The following KCNS3 variants were observed in gnomAD, a reference collection of about 807,000 sequenced individuals.
KCNS3 encodes the protein potassium voltage-gated channel modifier subfamily S member 3.
KCNS3 carries 13 observed loss-of-function variants against 31.0 expected under a neutral mutation model. That is an observed-to-expected ratio of 0.42 (90% CI 0.27 to 0.67). KCNS3 has a LOEUF of 0.67. Among genes scored for constraint, KCNS3 ranks in the 30% least tolerant of loss-of-function variants. The pLI is 0.25. For synonymous variants in KCNS3, 238 were observed against 241.5 expected, an observed-to-expected ratio of 0.99 and a Z score of 0.13; for missense variants, 545 against 622.4, an observed-to-expected ratio of 0.88 and a Z score of 1.32.
chr2:17,914,664 G>A (rs751762731), intron 1 of KCNS3, among the ~76,000 whole-genome samples: 2 of 152,190 alleles, frequency 1.3e-5, no homozygotes, highest in Admixed American at 6.5e-5. Flanking sequence ...CTGTGACAGC[G>A]ATAATTAATA....
intron 1 of KCNS3, among the ~76,000 whole-genome samples, chr2:17,900,735 C>G (rs12478311): frequency 5.6e-4 from 85 of 152,152 alleles, no homozygotes; most frequent in African/African-American, 2.0e-3. Flanking sequence ...GGTGATCTGC[C>G]TGTCTCGGCC....
At chr2:17,904,940 C>T (rs9677633) in intron 1 of KCNS3, among the ~76,000 whole-genome samples, 4,312 of 152,178 alleles carry the variant, frequency 0.028, 176 homozygotes, top group African/African-American at 0.091. Context: ...CTTGGTAATG[C>T]GGGCTCTTTT....
chr2:17,914,380 G>A (rs1332214333), intron 1 of KCNS3, among the ~76,000 whole-genome samples: 1 of 152,160 alleles, frequency 6.6e-6, no homozygotes, highest in Non-Finnish European at 1.5e-5. Context: ...ACAGATACCT[G>A]AAACTCCGAG....
intron 1 of KCNS3, among the ~76,000 whole-genome samples, chr2:17,906,738 G>A (rs1662327404): frequency 6.6e-6 from 1 of 152,174 alleles, no homozygotes; most frequent in Admixed American, 6.5e-5. Context: ...TTCAGGAGCA[G>A]GTTGTTCAGT....
At position 17,904,175 on chromosome 2, in the gene KCNS3, A is replaced by G. The variant is rs528205424; in HGVS notation, c.-251-13505A>G. Among the ~76,000 whole-genome samples, 18 of 152,274 alleles carry G rather than the reference A, an allele frequency of 1.2e-4. No homozygotes were observed. In the East Asian group the frequency reaches 3.1e-3, roughly 26 times the overall value. ...TGTAACTGGTGTGAGATGGTATCTC[A>G]TTGTGGTTTTGATTTGTATTTCTCT... is the stretch of plus-strand genomic sequence containing the variant. On this transcript the variant is annotated intron_variant, in intron 1 of 2. Coordinates refer to ENST00000304101, the MANE Select transcript of KCNS3 (RefSeq NM_002252.5).
chr2:17,888,633 A>ATC (rs1553341407), intron 1 of KCNS3, among the ~76,000 whole-genome samples: 2,721 of 50,248 alleles, frequency 0.054, 112 homozygotes, highest in South Asian at 0.11. Flanking sequence ...AAAAATGTAT[A>ATC]TATATATATA....
At chr2:17,890,927 A>G (rs1661838730) in intron 1 of KCNS3, among the ~76,000 whole-genome samples, 1 of 152,112 alleles carries the variant, frequency 6.6e-6, no homozygotes, top group Non-Finnish European at 1.5e-5. Flanking sequence ...TTCTGTATAT[A>G]TCTGTTAAGT....
At chr2:17,883,705 G>C (rs965364539) in intron 1 of KCNS3, among the ~76,000 whole-genome samples, 1 of 152,174 alleles carries the variant, frequency 6.6e-6, no homozygotes, top group African/African-American at 2.4e-5. Flanking sequence ...ACAAGGGTGG[G>C]AACAGCTGGG....
rs1558445185 is a variant in KCNS3 at position 17,884,271 on chromosome 2, ATATATATATATAT to A, written c.-252+5466_-252+5478del. ...AAAGTATAATTAAAAAAAAAAAAAT[ATATATATATATAT>A]ATATATATATATATATATATTTAAA... On this transcript the variant is annotated intron_variant, in intron 1 of 2. Coordinates refer to ENST00000304101, the MANE Select transcript of KCNS3 (RefSeq NM_002252.5). Among the ~76,000 whole-genome samples, 132 of 33,826 alleles carry A rather than the reference ATATATATATATAT, an allele frequency of 3.9e-3. 1 individual carries two copies. Among genetic ancestry groups the A allele is most frequent in the African/African-American group, 0.012 (130 of 11,060 alleles). The allele number at this position is 33,826 out of a possible 152,430, so 22.2% of individuals were successfully genotyped here.
intron 1 of KCNS3, among the ~76,000 whole-genome samples, chr2:17,904,222 T>C (rs1016305323): frequency 2.0e-4 from 31 of 152,248 alleles, no homozygotes; most frequent in African/African-American, 7.0e-4. Context: ...ATGATGAGCA[T>C]TTTTTCATGT....
intron 1 of KCNS3, among the ~76,000 whole-genome samples, chr2:17,884,268 A>AAAAAAAT (rs1459540269): frequency 8.1e-4 from 38 of 46,680 alleles, no homozygotes; most frequent in African/African-American, 2.8e-3. Flanking sequence ...AAAAAAAAAA[A>AAAAAAAT]ATATATATAT....
At chr2:17,895,304 T>C (rs565445145) in intron 1 of KCNS3, among the ~76,000 whole-genome samples, 137 of 152,304 alleles carry the variant, frequency 9.0e-4, no homozygotes, top group African/African-American at 3.2e-3. Flanking sequence ...GCTGTAAATA[T>C]GCTGAAGATT....
chr2:17,892,364 T>C (rs1273191930), intron 1 of KCNS3, among the ~76,000 whole-genome samples: 1 of 152,108 alleles, frequency 6.6e-6, no homozygotes, highest in Non-Finnish European at 1.5e-5. Flanking sequence ...TCTCCTTGCA[T>C]TGGGCCTCAC....
At chr2:17,909,971 C>T (rs774469396) in intron 1 of KCNS3, among the ~76,000 whole-genome samples, 1 of 152,218 alleles carries the variant, frequency 6.6e-6, no homozygotes, top group Non-Finnish European at 1.5e-5. Flanking sequence ...AACAGGATCT[C>T]TAGCTAAAGG....
chr2:17,927,998 C>G (rs768542993), intron 2 of KCNS3, among the ~76,000 whole-genome samples: 1 of 152,150 alleles, frequency 6.6e-6, no homozygotes, highest in Non-Finnish European at 1.5e-5. Flanking sequence ...ACCTTGAGTA[C>G]ATGTTCTCAG....
At chr2:17,906,722 T>C (rs906511487) in intron 1 of KCNS3, among the ~76,000 whole-genome samples, 4 of 152,206 alleles carry the variant, frequency 2.6e-5, no homozygotes, top group Non-Finnish European at 5.9e-5. Flanking sequence ...ATGTACCCAG[T>C]AGTCATTCAG....
In KCNS3 at chr2:17,925,762, G is replaced by A. The variant is rs1303137491; in HGVS notation, c.-59-5188G>A. Among the ~76,000 whole-genome samples the A allele has an allele frequency of 5.9e-5, 9 of 152,284 alleles. No homozygotes were observed. In the East Asian group the frequency reaches 1.5e-3, roughly 26 times the overall value. ...ACACGTGGGGATTACAATTCAACAT[G>A]AGATTTGGGTGGGGACACAAAGCCA... is the stretch of plus-strand genomic sequence containing the variant. On this transcript the variant is annotated intron_variant, in intron 2 of 2. Coordinates refer to ENST00000304101, the MANE Select transcript of KCNS3 (RefSeq NM_002252.5).
intron 2 of KCNS3, among the ~76,000 whole-genome samples, chr2:17,929,802 A>C (rs1455249490): frequency 1.3e-5 from 2 of 152,214 alleles, no homozygotes; most frequent in Non-Finnish European, 2.9e-5. Flanking sequence ...CTTTGGAATT[A>C]ATTCAACCTG....
chr2:17,883,014 C>G (rs1382452571), intron 1 of KCNS3, among the ~76,000 whole-genome samples: 1 of 152,158 alleles, frequency 6.6e-6, no homozygotes, highest in Non-Finnish European at 1.5e-5. Flanking sequence ...CAGCCTTGCA[C>G]TACGATTTGC....
Sources: gnomAD v4.1 joint callset for allele counts (sites outside exome capture counted in the v4.1 genomes callset) on GRCh38, gnomAD v4.1.1 for gene constraint, MANE v1.5 for transcripts, NCBI Gene and HGNC (gene_info 2026-07-23, HGNC 2026-07-21) for gene names.